The following PDS5A variants were observed in gnomAD, a reference collection of about 807,000 sequenced individuals.
PDS5A encodes the protein sister chromatid cohesion protein PDS5 homolog A.
In PDS5A, 42 loss-of-function variants were observed where a neutral mutation model predicts 167.1. The observed-to-expected ratio is 0.25, with a 90% confidence interval of 0.20 to 0.33. PDS5A has a LOEUF of 0.33. Ranked by LOEUF, PDS5A falls within the 10% of genes least tolerant of loss-of-function variation. The pLI, the probability that PDS5A is intolerant of heterozygous loss-of-function variation, is 1.00. For missense variants in PDS5A, 1,033 were observed against 1,605.9 expected (o/e 0.64, Z 6.10); for synonymous variants, 553 against 554.6 (o/e 1.00, Z 0.04).
chr4:39,838,455 C>T (rs1246760081), intron 31 of PDS5A, among the ~76,000 whole-genome samples: 1 of 152,228 alleles, frequency 6.6e-6, no homozygotes, highest in Non-Finnish European at 1.5e-5. Context: ...GGAACAGTGG[C>T]TCACGCCTGT....
intron 32 of PDS5A, among the ~76,000 whole-genome samples, chr4:39,830,191 CCTA>C (rs1267393135): frequency 6.6e-6 from 1 of 151,900 alleles, no homozygotes; most frequent in African/African-American, 2.4e-5. Context: ...TAAAACACTT[CCTA>C]CTGTCACTAC....
intron 16 of PDS5A, among the ~76,000 whole-genome samples, chr4:39,894,644 A>G (rs1722240106): frequency 6.6e-6 from 1 of 152,174 alleles, no homozygotes; most frequent in Admixed American, 6.5e-5. Flanking sequence ...CTCTCCACAT[A>G]TACATCTATT....
chr4:39,932,881 G>A (rs1726214891), intron 2 of PDS5A: 1 of 151,362 alleles, frequency 6.6e-6, no homozygotes, highest in Non-Finnish European at 1.5e-5. Flanking sequence ...AAAAGGCCAT[G>A]CTGAAGCCAA....
chr4:39,930,100 A>C (rs1218379761), intron 2 of PDS5A, among the ~76,000 whole-genome samples: 1 of 150,636 alleles, frequency 6.6e-6, no homozygotes, highest in East Asian at 2.0e-4. Context: ...CTGTAATCCC[A>C]GCTACTCAGG....
At chr4:39,971,395 A>T (rs979093251) in intron 2 of PDS5A, among the ~76,000 whole-genome samples, 1 of 151,554 alleles carries the variant, frequency 6.6e-6, no homozygotes, top group Admixed American at 6.6e-5. Context: ...TGACCTCATG[A>T]TCCACCCGCC....
chr4:39,841,750 A>G (rs1717040067), intron 31 of PDS5A, among the ~76,000 whole-genome samples, 198 bp downstream of exon 31: 1 of 152,102 alleles, frequency 6.6e-6, no homozygotes, highest in Non-Finnish European at 1.5e-5. Flanking sequence ...AAATTCTTAT[A>G]AAGTGGGTGG....
At chr4:39,974,360 T>G in intron 2 of PDS5A, 1 of 443,870 alleles carries the variant, frequency 2.3e-6, no homozygotes, top group South Asian at 1.8e-5. Context: ...TTAACCAAAT[T>G]ATCCAACATT....
rs1393411090 is a variant in PDS5A at position 39,904,122 on chromosome 4, C to A, written c.1303G>T (p.Ala435Ser). 1 of 1,611,834 alleles carries A rather than the reference C, an allele frequency of 6.2e-7. No homozygotes were observed. The highest frequency in any genetic ancestry group is 1.7e-5 in the Admixed American group (1 of 59,938). The part of the protein sequence containing the change: ...LYKKYCLHGE[A>S]GKEAAEKVSW... ...ACTTTCTCTGCAGCTTCCTTTCCTG[C>A]TTCACCATGAAGACAGTATTTCTTA... The change falls in exon 12 of 33, where the codon GCA becomes TCA. Residue 435 changes from alanine to serine, a missense_variant. Ala to Ser is a moderately conservative substitution (Grantham distance 99). Around this residue, in one of 4 missense-constraint regions of PDS5A, gnomAD observed 388 missense variants for 615.1 expected, o/e 0.63. Coordinates refer to ENST00000303538, the MANE Select transcript of PDS5A (RefSeq NM_001100399.2).
chr4:39,933,413 T>C (rs768280610), intron 2 of PDS5A: 1 of 152,090 alleles, frequency 6.6e-6, no homozygotes, highest in Admixed American at 6.6e-5. Flanking sequence ...TCCAGCCTGG[T>C]GACAGAACAA....
At chr4:39,894,718 T>C (rs1722245072) in intron 16 of PDS5A, among the ~76,000 whole-genome samples, 3 of 152,206 alleles carry the variant, frequency 2.0e-5, no homozygotes, top group Non-Finnish European at 2.9e-5. Flanking sequence ...AGAACAAAGT[T>C]AGACATATGT....
intron 2 of PDS5A, among the ~76,000 whole-genome samples, chr4:39,974,987 T>G (rs975358970): frequency 4.0e-5 from 6 of 151,732 alleles, no homozygotes; most frequent in Non-Finnish European, 8.8e-5. Flanking sequence ...GGCAGGCACC[T>G]GTAATCCCAG....
intron 28 of PDS5A, 43 bp downstream of exon 28, chr4:39,848,808 A>T (rs1369605697): frequency 6.6e-7 from 1 of 1,510,524 alleles, no homozygotes; most frequent in African/African-American, 1.4e-5. Flanking sequence ...TTGACATTGA[A>T]ATCAGTTTAG....
chr4:39,870,163 A>G (rs773487089), intron 21 of PDS5A, among the ~76,000 whole-genome samples: 20 of 152,048 alleles, frequency 1.3e-4, no homozygotes, highest in Non-Finnish European at 2.6e-4. Context: ...AAGCAAACAC[A>G]CAAACAAAAA....
intron 2 of PDS5A, among the ~76,000 whole-genome samples, chr4:39,971,445 C>T (rs982947063): frequency 6.6e-6 from 1 of 151,520 alleles, no homozygotes. Flanking sequence ...CGTGAGCCAC[C>T]GCACCGGGCC....
chr4:39,908,593 T>G, intron 10 of PDS5A, 53 bp from the exon 11 acceptor site: 1 of 1,100,794 alleles, frequency 9.1e-7, no homozygotes, highest in Non-Finnish European at 1.4e-6. Context: ...TAATTTGTCA[T>G]GATTTAGAAT....
chr4:39,949,151 AG>A (rs1728076144), intron 2 of PDS5A, among the ~76,000 whole-genome samples: 1 of 151,634 alleles, frequency 6.6e-6, no homozygotes, highest in African/African-American at 2.4e-5. Flanking sequence ...AAAAAAAAAA[AG>A]ATAGCCAGGT....
At chr4:39,976,380 G>A (rs1731082321) in intron 2 of PDS5A, 60 bp downstream of exon 2, 3 of 1,462,878 alleles carry the variant, frequency 2.1e-6, no homozygotes, top group Non-Finnish European at 2.8e-6. Flanking sequence ...GAGCAGGGTA[G>A]CAGTATCACA....
Position 39,849,614 on chromosome 4 carries a change from T to C in PDS5A, c.3125A>G (p.Asn1042Ser). 6.2e-7 allele frequency: 1 copy of C among 1,610,974 alleles called. No homozygotes were observed. The change falls in exon 27 of 33, where the codon AAT (asparagine) becomes AGT (serine). Residue 1042 changes from asparagine to serine, a missense_variant. Physicochemically the swap from Asn to Ser is conservative, Grantham distance 46. Around this residue, in one of 4 missense-constraint regions of PDS5A, gnomAD observed 367 missense variants for 686.7 expected, o/e 0.53. Coordinates refer to ENST00000303538, the MANE Select transcript of PDS5A (RefSeq NM_001100399.2). Reference protein sequence around the residue: ...WFMLEVLMTKNENNSHAFMKK... With the variant: ...WFMLEVLMTKSENNSHAFMKK... ...CATAAAGGCATGGCTATTGTTTTCATTCTTTGTCATTAAAACTTCAAGCAT... is the reference window on the plus strand; with the variant it reads ...CATAAAGGCATGGCTATTGTTTTCACTCTTTGTCATTAAAACTTCAAGCAT...
chr4:39,882,311 A>G (rs778919519), intron 17 of PDS5A, among the ~76,000 whole-genome samples: 1 of 152,176 alleles, frequency 6.6e-6, no homozygotes, highest in African/African-American at 2.4e-5. Context: ...TTCCTTATAT[A>G]GCCTGGATAT....
Sources: gnomAD v4.1 joint callset for allele counts (sites outside exome capture counted in the v4.1 genomes callset) on GRCh38, gnomAD v4.1.1 for gene constraint, gnomAD v4.1.1 regional missense constraint, MANE v1.5 for transcripts, NCBI Gene and HGNC (gene_info 2026-07-23, HGNC 2026-07-21) for gene names.